CHLSN: variants seen among roughly 807,000 people sequenced by gnomAD.
CHLSN encodes protein cholesin.
At chr7:1,023,660 CACACACACACACACA>C in the CHLSN span, among the ~76,000 whole-genome samples, 1 of 117,784 alleles carries the variant, frequency 8.5e-6, no homozygotes, top group African/African-American at 2.7e-5. This position sits in a 1 kb window ranked among gnomAD's most constrained non-coding sequence, Gnocchi z 5.0. Context: ...CACACACACA[CACACACACACACACA>C]CACCAGCAAC....
the CHLSN span, among the ~76,000 whole-genome samples, chr7:1,100,549 G>A: frequency 1.3e-5 from 2 of 152,208 alleles, no homozygotes; most frequent in Non-Finnish European, 2.9e-5. Context: ...GGGAGCCTGG[G>A]CCGTGCGCCC....
chr7:1,054,579 T>C, the CHLSN span, among the ~76,000 whole-genome samples: 1 of 152,226 alleles, frequency 6.6e-6, no homozygotes, highest in Non-Finnish European at 1.5e-5. Context: ...ATCGAGCCAT[T>C]CTTAGCCCTG....
chr7:1,089,707 CTTTTTTTT>C, the CHLSN span, among the ~76,000 whole-genome samples: 8 of 124,174 alleles, frequency 6.4e-5, no homozygotes, highest in Admixed American at 8.2e-5. Flanking sequence ...ATAGGCCAGC[CTTTTTTTT>C]TTTTTTTTTT....
the CHLSN span, among the ~76,000 whole-genome samples, chr7:1,111,912 G>A: frequency 3.3e-5 from 5 of 152,276 alleles, no homozygotes; most frequent in East Asian, 9.6e-4. Context: ...AGCACACGCG[G>A]CTGCTACAGA....
At chr7:1,075,889 C>G in the CHLSN span, 11 of 152,006 alleles carry the variant, frequency 7.2e-5, no homozygotes, top group Non-Finnish European at 1.5e-4. Flanking sequence ...CATGAGCCAG[C>G]GCGCCCAGCC....
At chr7:1,077,956 T>C in the CHLSN span, 1 of 152,250 alleles carries the variant, frequency 6.6e-6, no homozygotes, top group Non-Finnish European at 1.5e-5. Context: ...TGGGCGTGTG[T>C]GCGGGGACAT....
chr7:1,055,633 AAGT>A, the CHLSN span: 1 of 345,206 alleles, frequency 2.9e-6, no homozygotes, highest in Non-Finnish European at 5.8e-6. Context: ...GGACATCTCT[AAGT>A]AGGGAATGAA....
the CHLSN span, among the ~76,000 whole-genome samples, chr7:1,048,330 G>T: frequency 2.0e-5 from 3 of 152,282 alleles, no homozygotes; most frequent in East Asian, 3.9e-4. Context: ...CATCAAAAGC[G>T]ATGGCTTTTG....
chr7:986,154 G>A, the CHLSN span, among the ~76,000 whole-genome samples: 1 of 152,298 alleles, frequency 6.6e-6, no homozygotes, highest in African/African-American at 2.4e-5. Context: ...TGGCGATCGC[G>A]GACGCCCCAG....
chr7:1,052,283 G>A, the CHLSN span, among the ~76,000 whole-genome samples: 4 of 152,356 alleles, frequency 2.6e-5, no homozygotes, highest in Middle Eastern at 3.4e-3. The surrounding 1 kb of genome is among the most constrained non-coding windows in gnomAD (Gnocchi z 4.2). Context: ...GACCTGCAGC[G>A]TCCAGCTCGG....
the CHLSN span, chr7:1,009,857 C>T: frequency 8.8e-7 from 1 of 1,132,840 alleles, no homozygotes; most frequent in Non-Finnish European, 1.2e-6. Context: ...CTAGAACCTT[C>T]CACACAGTGT....
the CHLSN span, chr7:989,192 C>G: frequency 7.2e-5 from 19 of 264,724 alleles, 1 homozygote; most frequent in East Asian, 2.7e-4. Context: ...TGCATCCAGC[C>G]AGAGACAGGC....
At chr7:1,044,226 G>T in the CHLSN span, among the ~76,000 whole-genome samples, 2 of 152,210 alleles carry the variant, frequency 1.3e-5, no homozygotes, top group South Asian at 2.1e-4. Flanking sequence ...GCAGATTAGG[G>T]TATATTCTGA....
chr7:1,100,304 G>A, the CHLSN span, among the ~76,000 whole-genome samples: 1 of 152,216 alleles, frequency 6.6e-6, no homozygotes. Flanking sequence ...GCCGACAGAG[G>A]CTGGGTGCCG....
chr7:1,096,180 C>T, the CHLSN span, among the ~76,000 whole-genome samples: 336 of 152,384 alleles, frequency 2.2e-3, no homozygotes, highest in African/African-American at 7.5e-3. The surrounding 1 kb of genome is among the most constrained non-coding windows in gnomAD (Gnocchi z 4.6). Flanking sequence ...CCCACTACGC[C>T]GCTCCTCTCC....
chr7:986,715 C>T, the CHLSN span: 20 of 1,611,908 alleles, frequency 1.2e-5, no homozygotes, highest in Admixed American at 1.7e-5. Context: ...ATTCTGAGGA[C>T]CCTCCTGGAG....
the CHLSN span, among the ~76,000 whole-genome samples, chr7:1,054,385 C>T: frequency 3.9e-5 from 6 of 152,350 alleles, no homozygotes; most frequent in East Asian, 1.2e-3. Context: ...TATTTGTCAG[C>T]TGCCAGTAAA....
the CHLSN span, among the ~76,000 whole-genome samples, chr7:1,053,234 A>C: frequency 0.62 from 94,993 of 152,238 alleles, 31,564 homozygotes; most frequent in African/African-American, 0.85. Flanking sequence ...CCAGGCTCCC[A>C]CAGAACCCCT....
the CHLSN span, among the ~76,000 whole-genome samples, chr7:1,023,643 A>G: frequency 1.1e-5 from 1 of 94,374 alleles, no homozygotes; most frequent in African/African-American, 3.2e-5. The surrounding 1 kb of genome is among the most constrained non-coding windows in gnomAD (Gnocchi z 5.0). Flanking sequence ...ACACACACAC[A>G]CACACACACA....
Sources: gnomAD v4.1 joint callset for allele counts (sites outside exome capture counted in the v4.1 genomes callset) on GRCh38, gnomAD v4.1.1 for gene constraint, Gnocchi (gnomAD v3.1) non-coding constraint, MANE v1.5 for transcripts, NCBI Gene and HGNC (gene_info 2026-07-23, HGNC 2026-07-21) for gene names.